Variants in FGF14 observed in about 807,000 individuals in gnomAD.
FGF14 encodes the protein fibroblast growth factor 14.
FGF14 carries 5 observed loss-of-function variants against 25.5 expected under a neutral mutation model. The observed-to-expected ratio is 0.20, with a 90% CI of 0.10 to 0.41. The LOEUF (loss-of-function observed/expected upper bound fraction) is 0.41, where lower values mean the gene tolerates loss of function less well. Among genes scored for constraint, FGF14 ranks in the 10% least tolerant of loss-of-function variants. The pLI is 1.00. For missense variants in FGF14, 222 were observed against 320.1 expected, an observed-to-expected ratio of 0.69 and a Z score of 2.34; for synonymous variants, 138 against 118.3, an observed-to-expected ratio of 1.17 and a Z score of -1.08.
At chr13:102,079,657 C>T (rs8000419) in intron 1 of FGF14, among the ~76,000 whole-genome samples, 2,427 of 152,238 alleles carry the variant, frequency 0.016, 58 homozygotes, top group African/African-American at 0.055. Context: ...GAACAAAACA[C>T]AGAGAGTCTG....
At position 102,026,702 on chromosome 13, in the gene FGF14, C is replaced by T. The variant is rs528527315; in HGVS notation, c.209-151406G>A. ...CACTCAATGGCTAGAAATAAAACTA[C>T]TTTTCACTTTAATATCACTGGGTAG... is the stretch of plus-strand genomic sequence containing the variant. On this transcript the variant is annotated intron_variant, in intron 1 of 4. Coordinates refer to the FGF14 transcript ENST00000376131. Among the ~76,000 whole-genome samples, 263 of 152,050 alleles carry T rather than the reference C, an allele frequency of 1.7e-3. 1 individual carries two copies. The highest frequency in any genetic ancestry group is 5.7e-3 in the African/African-American group (238 of 41,540).
rs376745693 is a variant in FGF14, at chr13:102,397,452, G to A, written c.208+4019C>T. ...AGAATTGATGGAATGTTCTCAGTGT[G>A]CTGTGCAGAACTAGGTCTAGGGCGT... On this transcript the variant is annotated intron_variant, in intron 1 of 4. Coordinates refer to the FGF14 transcript ENST00000376131. Among the ~76,000 whole-genome samples, 15 of 152,310 alleles carry A rather than the reference G, an allele frequency of 9.8e-5. No individual in the cohort carries two copies. In the East Asian group the frequency reaches 2.9e-3, roughly 29 times the overall value.
intron 1 of FGF14, among the ~76,000 whole-genome samples, chr13:101,979,316 C>A (rs918734861): frequency 3.9e-5 from 6 of 152,186 alleles, no homozygotes; most frequent in South Asian, 2.1e-4. Context: ...GGTAAGTAAA[C>A]AAATAAATGG....
chr13:102,041,053 T>C (rs1210251973), intron 1 of FGF14, among the ~76,000 whole-genome samples: 1 of 151,936 alleles, frequency 6.6e-6, no homozygotes. Flanking sequence ...TGAACTCCAC[T>C]CAAGTCGGTG....
At chr13:102,259,856 C>T (rs1249194615) in intron 1 of FGF14, among the ~76,000 whole-genome samples, 1 of 152,114 alleles carries the variant, frequency 6.6e-6, no homozygotes, top group Admixed American at 6.5e-5. Flanking sequence ...TCTATGACAC[C>T]CATTGCTTTA....
At chr13:101,948,526 G>T (rs192695116) in intron 1 of FGF14, among the ~76,000 whole-genome samples, 405 of 151,150 alleles carry the variant, frequency 2.7e-3, no homozygotes, top group Non-Finnish European at 4.7e-3. Flanking sequence ...TATGGGAAGA[G>T]CAGACTTCTA....
At chr13:101,783,326 T>C (rs1249363007) in intron 3 of FGF14, among the ~76,000 whole-genome samples, 2 of 152,028 alleles carry the variant, frequency 1.3e-5, no homozygotes, top group Admixed American at 1.3e-4. Flanking sequence ...AAAAATTAGC[T>C]GGGTGTGGTG....
At chr13:101,746,107 A>G (rs1051965077) in intron 3 of FGF14, among the ~76,000 whole-genome samples, 7 of 152,038 alleles carry the variant, frequency 4.6e-5, no homozygotes, top group Non-Finnish European at 2.9e-5. Context: ...TGCAATTAGA[A>G]ATATTTAACA....
intron 1 of FGF14, among the ~76,000 whole-genome samples, chr13:101,886,960 C>A (rs1277465294): frequency 6.6e-6 from 1 of 152,060 alleles, no homozygotes; most frequent in Non-Finnish European, 1.5e-5. Context: ...CATCACTAAT[C>A]ACCAGAAAAA....
At chr13:102,044,631 G>A (rs191961469) in intron 1 of FGF14, among the ~76,000 whole-genome samples, 12 of 152,220 alleles carry the variant, frequency 7.9e-5, no homozygotes, top group Non-Finnish European at 1.6e-4. Context: ...CTGCCTTAAA[G>A]TGATCATCAT....
Position 101,722,753 on chromosome 13 carries a change from G to C in FGF14, c.*78C>G. On this transcript the variant is annotated 3_prime_UTR_variant, in exon 5 of 5. Coordinates refer to ENST00000376143, the MANE Select transcript of FGF14 (RefSeq NM_004115.4). The stretch of plus-strand genomic sequence containing the variant: ...TTACTTCCTGCTGCTCTTCAGCCAC[G>C]GAGCAGGAATGTCTGGTGAGGATAA... 6.3e-7 allele frequency: 1 copy of C among 1,589,544 alleles called. No individual in the cohort carries two copies. The highest frequency in any genetic ancestry group is 8.6e-7 in the Non-Finnish European group (1 of 1,159,026).
intron 3 of FGF14, among the ~76,000 whole-genome samples, chr13:101,754,744 A>G (rs898515311): frequency 1.3e-5 from 2 of 152,148 alleles, no homozygotes; most frequent in Non-Finnish European, 2.9e-5. Flanking sequence ...GAAAAAAATA[A>G]TAATAATTTC....
intron 1 of FGF14, among the ~76,000 whole-genome samples, chr13:102,141,621 C>G (rs1040035259): frequency 2.6e-5 from 4 of 152,132 alleles, no homozygotes; most frequent in Non-Finnish European, 4.4e-5. Flanking sequence ...TAGATAACTG[C>G]TAGGGTTATT....
Position 101,756,510 on chromosome 13 carries a change from G to A in FGF14, c.409-29700C>T, listed in dbSNP as rs59615281. Reference sequence around the variant, plus strand: ...AGCACTTTGGGAGGCTGAGGTGGGCGGATCACGAGGTCAGGAGATTGAGAT... The same window carrying A: ...AGCACTTTGGGAGGCTGAGGTGGGCAGATCACGAGGTCAGGAGATTGAGAT... On this transcript the variant is annotated intron_variant, in intron 3 of 4. Transcript: ENST00000376143. 9.0e-3 allele frequency among the ~76,000 whole-genome samples: 1,375 copies of A among 152,202 alleles called. 24 individuals are homozygous for A. The highest frequency in any genetic ancestry group is 0.031 in the African/African-American group (1,272 of 41,530).
intron 1 of FGF14, among the ~76,000 whole-genome samples, chr13:102,256,287 G>A (rs1443195806): frequency 6.6e-6 from 1 of 151,934 alleles, no homozygotes; most frequent in Non-Finnish European, 1.5e-5. Flanking sequence ...GAGCTTAGCG[G>A]TTCAAGACCA....
At chr13:102,202,545 G>A (rs757063691) in intron 1 of FGF14, among the ~76,000 whole-genome samples, 23 of 152,246 alleles carry the variant, frequency 1.5e-4, no homozygotes, top group South Asian at 4.1e-4. Flanking sequence ...TTCAGTTTAC[G>A]CCAGATGATA....
intron 1 of FGF14, among the ~76,000 whole-genome samples, chr13:101,936,019 C>G (rs1381369970): frequency 6.6e-6 from 1 of 152,202 alleles, no homozygotes; most frequent in Non-Finnish European, 1.5e-5. Flanking sequence ...TAGAAAGGAT[C>G]TGTCCATGGT....
At chr13:102,100,199 C>A (rs2044592208) in intron 1 of FGF14, among the ~76,000 whole-genome samples, 1 of 152,110 alleles carries the variant, frequency 6.6e-6, no homozygotes, top group Non-Finnish European at 1.5e-5. Flanking sequence ...CGAGACCTAG[C>A]CATGAAAGCA....
At chr13:101,851,751 C>T (rs1161364218) in intron 3 of FGF14, among the ~76,000 whole-genome samples, 1 of 152,030 alleles carries the variant, frequency 6.6e-6, no homozygotes, top group Non-Finnish European at 1.5e-5. Context: ...GTACTTTAAT[C>T]TTTTAACTCA....
Sources: gnomAD v4.1 joint callset for allele counts (sites outside exome capture counted in the v4.1 genomes callset) on GRCh38, gnomAD v4.1.1 for gene constraint, MANE v1.5 for transcripts, NCBI Gene and HGNC (gene_info 2026-07-23, HGNC 2026-07-21) for gene names.